GRAMD1B: variants seen among roughly 807,000 people sequenced by gnomAD.
The protein encoded by GRAMD1B is protein Aster-B.
In GRAMD1B, 37 loss-of-function variants were observed where a neutral mutation model predicts 99.7. That is an observed-to-expected ratio of 0.37 (90% CI 0.29 to 0.49). GRAMD1B has a LOEUF of 0.49. GRAMD1B is among the 20% of genes least tolerant of loss of function. GRAMD1B has a pLI of 0.98. For synonymous variants in GRAMD1B, 427 were observed against 387.6 expected (o/e 1.10, Z -1.19); for missense variants, 888 against 1,009.2 (o/e 0.88, Z 1.63).
intron 1 of GRAMD1B, among the ~76,000 whole-genome samples, chr11:123,410,267 A>G (rs1026889063): frequency 6.6e-6 from 1 of 152,056 alleles, no homozygotes. Context: ...CAAAAAAACC[A>G]GATGCCAAAA....
chr11:123,602,897 G>C (rs1952161327), intron 8 of GRAMD1B, among the ~76,000 whole-genome samples: 2 of 152,184 alleles, frequency 1.3e-5, no homozygotes, highest in Admixed American at 6.5e-5. Context: ...GAACTGTCCA[G>C]CTATGGAATG....
intron 1 of GRAMD1B, among the ~76,000 whole-genome samples, chr11:123,478,759 C>T (rs888314867): frequency 3.9e-5 from 6 of 152,158 alleles, no homozygotes; most frequent in Non-Finnish European, 7.3e-5. Flanking sequence ...CAAGTTTGAC[C>T]CCTGCTTTGA....
intron 17 of GRAMD1B, among the ~76,000 whole-genome samples, chr11:123,616,979 A>G (rs1954494989): frequency 6.6e-6 from 1 of 152,220 alleles, no homozygotes; most frequent in Non-Finnish European, 1.5e-5. Context: ...AGGCCTGAGA[A>G]CACAGCAGCC....
At chr11:123,426,121 G>C (rs1303962234), upstream of GRAMD1B, among the ~76,000 whole-genome samples, 1 of 152,206 alleles carries the variant, frequency 6.6e-6, no homozygotes, top group Non-Finnish European at 1.5e-5. Flanking sequence ...AGCTCAAACA[G>C]ACTTTGTTTT....
chr11:123,514,271 A>G (rs1472506173), intron 2 of GRAMD1B, among the ~76,000 whole-genome samples: 1 of 152,158 alleles, frequency 6.6e-6, no homozygotes, highest in Non-Finnish European at 1.5e-5. Context: ...GTGGGTGGGA[A>G]TTTATCAGGT....
At chr11:123,598,579 A>G in intron 7 of GRAMD1B, 1 of 1,554,536 alleles carries the variant, frequency 6.4e-7, no homozygotes, top group South Asian at 1.1e-5. Context: ...GACTCTAGGG[A>G]CTTTCCTTTG....
intron 8 of GRAMD1B, among the ~76,000 whole-genome samples, chr11:123,602,975 A>T (rs1452902239): frequency 6.6e-6 from 1 of 152,216 alleles, no homozygotes; most frequent in African/African-American, 2.4e-5. Flanking sequence ...CACAGTTAAT[A>T]CAAGAGGAGA....
chr11:123,360,365 G>A (rs969003212), intron 1 of GRAMD1B, among the ~76,000 whole-genome samples: 2 of 152,146 alleles, frequency 1.3e-5, no homozygotes, highest in Admixed American at 1.3e-4. Flanking sequence ...GGTGTACAGC[G>A]AGGTTTCTAG....
At chr11:123,466,512 TGAC>T (rs1950691556) in intron 1 of GRAMD1B, among the ~76,000 whole-genome samples, 1 of 152,000 alleles carries the variant, frequency 6.6e-6, no homozygotes, top group Non-Finnish European at 1.5e-5. Flanking sequence ...AAAGATTGAC[TGAC>T]TGATTTGGGC....
At chr11:123,395,937 A>G (rs1010911298) in intron 1 of GRAMD1B, among the ~76,000 whole-genome samples, 1 of 152,228 alleles carries the variant, frequency 6.6e-6, no homozygotes, top group Non-Finnish European at 1.5e-5. Flanking sequence ...AGGAGGTATC[A>G]GAGATAAAAG....
chr11:123,554,469 G>A (rs1210444714), intron 2 of GRAMD1B, among the ~76,000 whole-genome samples: 1 of 146,872 alleles, frequency 6.8e-6, no homozygotes, highest in Non-Finnish European at 1.5e-5. Flanking sequence ...TGGGAGGATC[G>A]CTTGAGCCCA....
upstream of GRAMD1B, among the ~76,000 whole-genome samples, chr11:123,428,235 G>A (rs1211569208): frequency 1.3e-5 from 2 of 152,186 alleles, no homozygotes; most frequent in African/African-American, 4.8e-5. Flanking sequence ...GTCCTTGGAG[G>A]AAGTACAAGG....
In GRAMD1B at chr11:123,512,083, T is replaced by G. The variant is rs151110152; in HGVS notation, c.452+31190T>G. 7.2e-4 allele frequency among the ~76,000 whole-genome samples: 110 copies of G among 152,372 alleles called. 1 individual carries two copies. In the East Asian group the frequency reaches 0.015, roughly 21 times the overall value. On this transcript the variant is annotated intron_variant, in intron 2 of 19. Transcript: ENST00000635736. ...TGTCTCCGCTTCCTCTCTCTTTTCC[T>G]TCCTTCCACAAACATCTGAATAGCC...
intron 2 of GRAMD1B, chr11:123,559,780 A>G (rs1946513867): frequency 1.5e-6 from 1 of 666,758 alleles, no homozygotes; most frequent in East Asian, 1.4e-4. Flanking sequence ...GGGAGCAGCT[A>G]CACTGAAGAG....
chr11:123,477,670 C>G (rs1009752511), intron 1 of GRAMD1B, among the ~76,000 whole-genome samples: 2 of 145,372 alleles, frequency 1.4e-5, no homozygotes, highest in African/African-American at 5.1e-5. Flanking sequence ...CTTCTCTCTC[C>G]CTTCCTTCTC....
intron 2 of GRAMD1B, among the ~76,000 whole-genome samples, chr11:123,541,242 C>G (rs913398434): frequency 1.3e-5 from 2 of 152,150 alleles, no homozygotes; most frequent in Admixed American, 1.3e-4. Flanking sequence ...TCCCAAAGTA[C>G]TGGGATTACA....
intron 3 of GRAMD1B, among the ~76,000 whole-genome samples, chr11:123,578,177 G>A (rs1948941400): frequency 6.6e-6 from 1 of 152,100 alleles, no homozygotes; most frequent in African/African-American, 2.4e-5. Context: ...TGGTTCCCCA[G>A]AGATGTCTTC....
chr11:123,411,744 C>T (rs988867517), intron 1 of GRAMD1B, among the ~76,000 whole-genome samples: 4 of 152,160 alleles, frequency 2.6e-5, no homozygotes, highest in Non-Finnish European at 5.9e-5. Flanking sequence ...ACTTCCAGGG[C>T]TTCAGTGATC....
intron 1 of GRAMD1B, among the ~76,000 whole-genome samples, chr11:123,399,313 C>T (rs545256265): frequency 1.3e-5 from 2 of 152,254 alleles, no homozygotes; most frequent in South Asian, 4.1e-4. Context: ...AAGTATGCCA[C>T]ATTTTCTTTA....
Sources: gnomAD v4.1 joint callset for allele counts (sites outside exome capture counted in the v4.1 genomes callset) on GRCh38, gnomAD v4.1.1 for gene constraint, MANE v1.5 for transcripts, NCBI Gene and HGNC (gene_info 2026-07-23, HGNC 2026-07-21) for gene names.